RRP15: variants seen among roughly 807,000 people sequenced by gnomAD.
RRP15 encodes the protein ribosomal RNA processing 15 homolog, also known as RRP15-like protein.
A neutral mutation model predicts 27.1 loss-of-function variants in RRP15; 18 were observed. The observed-to-expected ratio is 0.66, with a 90% CI of 0.46 to 0.98. The LOEUF is 0.98. RRP15 is among the 50% of genes least tolerant of loss of function. RRP15 has a pLI of 0.00. For synonymous variants in RRP15, 107 were observed against 109.4 expected (o/e 0.98, Z 0.14); for missense variants, 359 against 337.8 (o/e 1.06, Z -0.49).
In RRP15 at chr1:218,285,427, C is replaced by G. The variant is rs745347332; in HGVS notation, c.111C>G (p.Asp37Glu). The part of the protein sequence containing the change: ...VTGAVASVLE[D>E]EATDTSDSEG... Reference sequence around the variant, plus strand: ...GAGCCGTAGCGTCGGTGCTGGAAGACGAGGCCACAGACACTTCTGATAGTG... The same window carrying G: ...GAGCCGTAGCGTCGGTGCTGGAAGAGGAGGCCACAGACACTTCTGATAGTG... Residue 37 changes from aspartate (D) to glutamate (E), a missense_variant, in exon 1 of 5, where the codon GAC becomes GAG. Asp to Glu is a conservative substitution (Grantham distance 45). Transcript: ENST00000366932. The G allele has an allele frequency of 4.3e-6, 7 of 1,614,026 alleles. No individual in the cohort carries two copies. The highest frequency in any genetic ancestry group is 5.9e-6 in the Non-Finnish European group (7 of 1,179,996).
chr1:218,286,104 C>T (rs576101432), intron 1 of RRP15, among the ~76,000 whole-genome samples: 4 of 152,320 alleles, frequency 2.6e-5, no homozygotes, highest in African/African-American at 9.6e-5. Flanking sequence ...TAATCCCTGA[C>T]TTCCTACTGC....
chr1:218,335,741 G>A lies in RRP15; in HGVS notation c.*4650G>A, dbSNP rs145381598. 15 of 152,220 alleles carry A rather than the reference G, an allele frequency of 9.9e-5. No individual in the cohort carries two copies. Among genetic ancestry groups the A allele is most frequent in the Admixed American group, 3.9e-4 (6 of 15,292 alleles). 9.4% of individuals were successfully genotyped at this position (152,220 alleles called of 1,614,324 possible). A position where few individuals can be genotyped will look rare whatever the true frequency, so the allele number is the denominator to read the frequency against. ...TTTGGGAATTGTAAATCTGTCTTAA[G>A]CTTTTTCCATAAACTTTTATTGATA... On this transcript the variant is annotated 3_prime_UTR_variant, in exon 5 of 5. Transcript: ENST00000366932.
chr1:218,311,259 A>G (rs1369891442), intron 4 of RRP15, among the ~76,000 whole-genome samples: 1 of 152,174 alleles, frequency 6.6e-6, no homozygotes, highest in African/African-American at 2.4e-5. Flanking sequence ...TCAGTACTAG[A>G]TACTATCTTT....
chr1:218,302,651 A>C, intron 2 of RRP15, 92 bp downstream of exon 2: 1 of 1,512,246 alleles, frequency 6.6e-7, no homozygotes, highest in African/African-American at 1.4e-5. Context: ...TTGACCAATT[A>C]ACGTTCCAGT....
Position 218,330,879 on chromosome 1 carries a change from G to A in RRP15, c.706-69G>A, listed in dbSNP as rs959424942. On this transcript the variant is annotated intron_variant, in intron 4 of 4. Coordinates refer to ENST00000366932, the MANE Select transcript of RRP15 (RefSeq NM_016052.4). ...TAAGCATTGAAAAGTTTGTTTTGTA[G>A]CTTGTACCTTTTTGTTTCCTTATGA... The A allele has an allele frequency of 2.7e-5, 39 of 1,432,302 alleles. No homozygotes were observed. The African/African-American group carries it at 5.1e-4, about 19-fold the overall frequency. 88.7% of individuals were successfully genotyped at this position (1,432,302 alleles called of 1,614,324 possible). A position where few individuals can be genotyped will look rare whatever the true frequency, so the allele number is the denominator to read the frequency against.
At chr1:218,293,589 G>A (rs1655677440) in intron 1 of RRP15, among the ~76,000 whole-genome samples, 1 of 152,048 alleles carries the variant, frequency 6.6e-6, no homozygotes, top group African/African-American at 2.4e-5. Context: ...GCCCTATATC[G>A]ACATTTGAAA....
chr1:218,316,122 A>G (rs932787641), intron 4 of RRP15, among the ~76,000 whole-genome samples: 5 of 152,212 alleles, frequency 3.3e-5, no homozygotes, highest in African/African-American at 1.2e-4. Context: ...AGTTTTAATC[A>G]AAATGAACTT....
At chr1:218,321,931 T>C (rs1287914287) in intron 4 of RRP15, among the ~76,000 whole-genome samples, 1 of 152,174 alleles carries the variant, frequency 6.6e-6, no homozygotes, top group Non-Finnish European at 1.5e-5. Flanking sequence ...AAATCATATT[T>C]ATGGAAAAGA....
intron 3 of RRP15, among the ~76,000 whole-genome samples, chr1:218,306,175 C>T (rs1159639639): frequency 6.6e-6 from 1 of 152,078 alleles, no homozygotes; most frequent in South Asian, 2.1e-4. Flanking sequence ...GCTAGCCTGT[C>T]AAAGTTTCCT....
chr1:218,313,293 G>T (rs1206538127), intron 4 of RRP15, among the ~76,000 whole-genome samples: 2 of 152,180 alleles, frequency 1.3e-5, no homozygotes, highest in Non-Finnish European at 2.9e-5. Context: ...AACTAAGATT[G>T]TGTGGGGTAA....
rs573855317 is a variant in RRP15, at chr1:218,331,641, C to G, written c.*550C>G. On this transcript the variant is annotated 3_prime_UTR_variant, in exon 5 of 5. Transcript: ENST00000366932. Reference sequence around the variant, plus strand: ...CTGGAAGATATGATTTAAGAAACAACAGATTTCAACTTTTTTTTTTTTTTT... The same window carrying G: ...CTGGAAGATATGATTTAAGAAACAAGAGATTTCAACTTTTTTTTTTTTTTT... 4.8e-5 allele frequency: 5 copies of G among 103,146 alleles called. No homozygotes were observed. Among genetic ancestry groups the G allele is most frequent in the African/African-American group, 1.8e-4 (5 of 28,458 alleles). The allele number at this position is 103,146 out of a possible 1,614,324, so 6.4% of individuals were successfully genotyped here.
intron 4 of RRP15, among the ~76,000 whole-genome samples, chr1:218,324,455 C>A (rs997890682): frequency 6.6e-6 from 1 of 152,188 alleles, no homozygotes; most frequent in Non-Finnish European, 1.5e-5. Context: ...CAATTATCTG[C>A]CTCAGGGACG....
intron 4 of RRP15, among the ~76,000 whole-genome samples, chr1:218,313,320 G>A (rs756366279): frequency 2.0e-5 from 3 of 152,122 alleles, no homozygotes; most frequent in South Asian, 4.2e-4. Flanking sequence ...TTGGGGTGAA[G>A]GGAAAAGAAG....
intron 4 of RRP15, among the ~76,000 whole-genome samples, chr1:218,326,432 G>T (rs75660509): frequency 0.077 from 11,687 of 152,052 alleles, 764 homozygotes; most frequent in African/African-American, 0.19. Flanking sequence ...TGAGATTTTT[G>T]TTCCTACAAG....
At chr1:218,330,679 A>C (rs1371531843) in intron 4 of RRP15, among the ~76,000 whole-genome samples, 1 of 151,964 alleles carries the variant, frequency 6.6e-6, no homozygotes, top group Non-Finnish European at 1.5e-5. Context: ...TTTTTCCCTC[A>C]CTTCAAAAAA....
intron 4 of RRP15, among the ~76,000 whole-genome samples, chr1:218,312,328 G>T (rs58050283): frequency 0.034 from 4,941 of 143,688 alleles, 263 homozygotes; most frequent in African/African-American, 0.12. Flanking sequence ...TGCTCTGCTC[G>T]TTTTGATTCT....
At position 218,335,806 on chromosome 1, in the gene RRP15, T is replaced by C. The variant is rs1656439003; in HGVS notation, c.*4715T>C. 6.6e-6 allele frequency: 1 copy of C among 152,332 alleles called. No homozygotes were observed. Among genetic ancestry groups the C allele is most frequent in the South Asian group, 2.1e-4 (1 of 4,832 alleles). 9.4% of individuals were successfully genotyped at this position (152,332 alleles called of 1,614,324 possible). On this transcript the variant is annotated 3_prime_UTR_variant, in exon 5 of 5. Coordinates refer to ENST00000366932, the MANE Select transcript of RRP15 (RefSeq NM_016052.4). ...ACAAATACTGGTGAAATTTTATTGATTGAATTATTGTTGACTTTTTTTTCA... is the reference window on the plus strand; with the variant it reads ...ACAAATACTGGTGAAATTTTATTGACTGAATTATTGTTGACTTTTTTTTCA...
intron 1 of RRP15, among the ~76,000 whole-genome samples, chr1:218,293,758 TA>T (rs1303341148): frequency 1.3e-5 from 2 of 152,052 alleles, no homozygotes; most frequent in Non-Finnish European, 2.9e-5. Context: ...AAAACTCAAG[TA>T]TTGTTTGTTA....
chr1:218,328,815 T>C (rs971768455), intron 4 of RRP15, among the ~76,000 whole-genome samples: 1 of 152,132 alleles, frequency 6.6e-6, no homozygotes, highest in African/African-American at 2.4e-5. Context: ...GTAGAAACAC[T>C]CTGTGTTGAG....
Sources: gnomAD v4.1 joint callset for allele counts (sites outside exome capture counted in the v4.1 genomes callset) on GRCh38, gnomAD v4.1.1 for gene constraint, MANE v1.5 for transcripts, NCBI Gene and HGNC (gene_info 2026-07-23, HGNC 2026-07-21) for gene names.